Variants in XKR9 observed in about 807,000 individuals in gnomAD.
The protein encoded by XKR9 is XK-related protein 9.
In XKR9, 32 loss-of-function variants were observed where a neutral mutation model predicts 32.0. That is an observed-to-expected ratio of 1.00 (90% CI 0.76 to 1.34). XKR9 has a LOEUF of 1.34. Ranked by LOEUF, XKR9 falls within the 40% of genes most tolerant of loss-of-function variation. The probability of loss-of-function intolerance (pLI) is 0.00; values close to 1 mark genes in which losing one functional copy is unlikely to be tolerated. For missense variants in XKR9, 546 were observed against 429.7 expected (o/e 1.27, Z -2.39); for synonymous variants, 168 against 143.4 (o/e 1.17, Z -1.22).
the XKR9 span, among the ~76,000 whole-genome samples, chr8:70,907,950 A>C: frequency 6.6e-6 from 1 of 152,214 alleles, no homozygotes; most frequent in Non-Finnish European, 1.5e-5. Context: ...AATTGAGTAG[A>C]TACAAATAAT....
chr8:70,865,961 G>C, the XKR9 span, among the ~76,000 whole-genome samples: 20 of 152,212 alleles, frequency 1.3e-4, no homozygotes, highest in South Asian at 2.3e-3. Flanking sequence ...AAGTATTGAG[G>C]TTGTCCTCAA....
downstream of XKR9, among the ~76,000 whole-genome samples, chr8:70,736,259 A>C (rs1378313566): frequency 6.6e-6 from 1 of 152,154 alleles, no homozygotes; most frequent in Non-Finnish European, 1.5e-5. Flanking sequence ...GCATAAATAA[A>C]TGTCTTCTTT....
chr8:70,859,241 A>G, the XKR9 span, among the ~76,000 whole-genome samples: 1 of 152,158 alleles, frequency 6.6e-6, no homozygotes, highest in African/African-American at 2.4e-5. Flanking sequence ...CAACAGATAT[A>G]TGAAAAAATT....
the XKR9 span, among the ~76,000 whole-genome samples, chr8:70,894,518 A>G: frequency 6.6e-6 from 1 of 152,120 alleles, no homozygotes; most frequent in Non-Finnish European, 1.5e-5. Context: ...CAGCTCAGCC[A>G]TGATACCAAT....
At chr8:70,988,050 C>A in the XKR9 span, among the ~76,000 whole-genome samples, 7 of 152,124 alleles carry the variant, frequency 4.6e-5, no homozygotes, top group Admixed American at 6.5e-5. Flanking sequence ...CCCTAGGCTG[C>A]GCACAGCTTG....
At chr8:70,996,450 G>A in the XKR9 span, among the ~76,000 whole-genome samples, 3 of 152,242 alleles carry the variant, frequency 2.0e-5, no homozygotes, top group Non-Finnish European at 4.4e-5. Flanking sequence ...TTTGTTGCAC[G>A]TTCAAGAAAT....
At chr8:70,816,807 G>A in the XKR9 span, among the ~76,000 whole-genome samples, 6 of 152,072 alleles carry the variant, frequency 3.9e-5, no homozygotes, top group Admixed American at 3.3e-4. Context: ...GGGATGCAAG[G>A]TTGGTTCAAC....
chr8:70,985,613 ATCATAACTTC>A, the XKR9 span, among the ~76,000 whole-genome samples: 1 of 152,216 alleles, frequency 6.6e-6, no homozygotes, highest in Non-Finnish European at 1.5e-5. Flanking sequence ...TCAAGAAGTG[ATCATAACTTC>A]TAAGGCATAT....
chr8:70,974,125 T>C, the XKR9 span, among the ~76,000 whole-genome samples: 1 of 152,160 alleles, frequency 6.6e-6, no homozygotes, highest in Non-Finnish European at 1.5e-5. Flanking sequence ...AGTAATTTTT[T>C]TTATAAATTT....
In XKR9 at chr8:70,721,313, C is replaced by G. The variant is rs181405634; in HGVS notation, c.494-12483C>G. ...TTTCTCTATCTCCTTCAGTTCTGCT[C>G]TGAGCTTAGTTATTTCTTGTCTTCT... is the stretch of plus-strand genomic sequence containing the variant. On this transcript the variant is annotated intron_variant, in intron 4 of 4. Coordinates refer to ENST00000408926, the MANE Select transcript of XKR9 (RefSeq NM_001011720.2). 2.0e-5 allele frequency among the ~76,000 whole-genome samples: 3 copies of G among 152,182 alleles called. No individual in the cohort carries two copies. The East Asian group carries it at 5.8e-4, about 29-fold the overall frequency.
chr8:70,757,080 T>G (rs1179929254), intron 2 of XKR9, among the ~76,000 whole-genome samples: 1 of 152,206 alleles, frequency 6.6e-6, no homozygotes, highest in Non-Finnish European at 1.5e-5. Flanking sequence ...CAAATTCTTT[T>G]TCTGTGTCTA....
the XKR9 span, among the ~76,000 whole-genome samples, chr8:70,852,960 C>A: frequency 6.6e-6 from 1 of 151,668 alleles, no homozygotes; most frequent in Non-Finnish European, 1.5e-5. Context: ...TGTAACAAAC[C>A]TGCACATTCT....
the XKR9 span, among the ~76,000 whole-genome samples, chr8:70,935,519 CT>C: frequency 6.6e-6 from 1 of 151,886 alleles, no homozygotes; most frequent in Admixed American, 6.6e-5. Flanking sequence ...GTATTTCCCC[CT>C]CGTATTTGCT....
the XKR9 span, among the ~76,000 whole-genome samples, chr8:70,960,010 A>G: frequency 6.6e-6 from 1 of 152,182 alleles, no homozygotes; most frequent in Admixed American, 6.5e-5. Context: ...TGGGCGGATC[A>G]CCTGAGGTTG....
intron 2 of XKR9, among the ~76,000 whole-genome samples, chr8:70,753,759 C>T (rs1204066875): frequency 9.2e-5 from 14 of 151,472 alleles, no homozygotes; most frequent in South Asian, 2.1e-4. Flanking sequence ...ACTGATGGGA[C>T]GTATCTCAAA....
intron 3 of XKR9, among the ~76,000 whole-genome samples, chr8:70,683,291 C>T (rs996570858): frequency 9.2e-5 from 14 of 152,036 alleles, no homozygotes; most frequent in African/African-American, 2.9e-4. Context: ...CAATATAATT[C>T]GATTTGCTAT....
chr8:70,805,822 C>T, the XKR9 span, among the ~76,000 whole-genome samples: 1 of 152,170 alleles, frequency 6.6e-6, no homozygotes. Context: ...AGCCTTTCCT[C>T]CTGGTAGTTC....
the XKR9 span, among the ~76,000 whole-genome samples, chr8:71,006,335 T>A: frequency 0.49 from 63,693 of 130,362 alleles, 14,392 homozygotes; most frequent in Non-Finnish European, 0.56. Context: ...TTAAAAAAGA[T>A]TTTTTTTTTT....
the XKR9 span, among the ~76,000 whole-genome samples, chr8:70,884,148 G>A: frequency 3.9e-5 from 6 of 152,122 alleles, no homozygotes; most frequent in African/African-American, 1.2e-4. Context: ...GGTATGGAAT[G>A]TGTTCTCATA....
Sources: allele counts gnomAD v4.1 joint callset (sites outside exome capture counted in the v4.1 genomes callset), GRCh38; gene constraint gnomAD v4.1.1; transcripts MANE v1.5; gene names NCBI Gene and HGNC (gene_info 2026-07-23, HGNC 2026-07-21).